The following PWWP2B variants were observed in gnomAD, a reference collection of about 807,000 sequenced individuals.
The protein encoded by PWWP2B is PWWP domain containing 2B.
Under a neutral mutation model 15.5 loss-of-function variants are expected in PWWP2B, and 9 were observed. The ratio of observed to expected loss-of-function variants is 0.58; its 90% CI spans 0.35 to 1.02. The LOEUF is 1.02. Ranked by LOEUF, PWWP2B falls within the 50% of genes least tolerant of loss-of-function variation. The probability of loss-of-function intolerance (pLI) is 0.02; values close to 1 mark genes in which losing one functional copy is unlikely to be tolerated. For synonymous variants in PWWP2B, 474 were observed against 403.6 expected (o/e 1.17, Z -2.09); for missense variants, 864 against 865.3 (o/e 1.00, Z 0.02).
At chr10:132,400,646 C>T (rs2069604047) in intron 1 of PWWP2B, among the ~76,000 whole-genome samples, 1 of 152,216 alleles carries the variant, frequency 6.6e-6, no homozygotes, top group African/African-American at 2.4e-5. Context: ...CGCCCTTTTC[C>T]CGCATGCTGT....
rs369373803 is a variant in PWWP2B, at chr10:132,417,056, C to T, written c.*17-5C>T. 6.2e-6 allele frequency: 10 copies of T among 1,613,506 alleles called. No homozygotes were observed. The highest frequency in any genetic ancestry group is 7.6e-6 in the Non-Finnish European group (9 of 1,179,608). ...AATCTCTGCCCCTTTTTGCTTTCCC[C>T]CAAGGTCACCGACGATGAGGGCGCA... On this transcript the variant is annotated splice_polypyrimidine_tract_variant and splice_region_variant and intron_variant, in intron 2 of 2. Coordinates refer to ENST00000305233, the MANE Select transcript of PWWP2B (RefSeq NM_138499.4).
chr10:132,404,976 G>A lies in PWWP2B; in HGVS notation c.476G>A (p.Arg159His), dbSNP rs376427258. 4.9e-4 allele frequency: 777 copies of A among 1,574,502 alleles called. 1 individual carries two copies. The highest frequency in any genetic ancestry group is 6.3e-4 in the Non-Finnish European group (739 of 1,168,004). Residue 159 changes from arginine (R) to histidine (H), a missense_variant, in exon 2 of 3, where the codon CGC becomes CAC. Coordinates refer to ENST00000305233, the MANE Select transcript of PWWP2B (RefSeq NM_138499.4). ...ACGCGGCGGCGTCTGTCCCGCAACC[G>A]CGACCCGGGGCGCCTCATCCTCAGC... ...KRTRRRLSRNRDPGRLILSTI... is the reference protein window; with the variant it reads ...KRTRRRLSRNHDPGRLILSTI...
Position 132,404,665 on chromosome 10 carries a change from C to A in PWWP2B, c.165C>A (p.Pro55=), listed in dbSNP as rs773256503. The part of the protein sequence containing the change: ...LFGLPPLAPL[P]QVDESPVNDS... ...GCCTACCCCCGTTGGCTCCGCTGCC[C>A]CAGGTCGATGAGTCCCCTGTCAACG... Residue 55 remains proline, a synonymous_variant, in exon 2 of 3, where the codon CCC becomes CCA. Coordinates refer to ENST00000305233, the MANE Select transcript of PWWP2B (RefSeq NM_138499.4). 36 of 1,612,754 alleles carry A rather than the reference C, an allele frequency of 2.2e-5. No homozygotes were observed. The East Asian group carries it at 4.7e-4, about 21-fold the overall frequency.
intron 2 of PWWP2B, among the ~76,000 whole-genome samples, chr10:132,412,361 C>G (rs1310659959): frequency 6.6e-6 from 1 of 152,242 alleles, no homozygotes; most frequent in Non-Finnish European, 1.5e-5. Context: ...GCCCCTGACC[C>G]CACCGGGCTT....
chr10:132,416,205 T>A (rs1255315719), intron 2 of PWWP2B, among the ~76,000 whole-genome samples: 1 of 152,052 alleles, frequency 6.6e-6, no homozygotes, highest in Non-Finnish European at 1.5e-5. Context: ...TGCCCTGCTG[T>A]GGTCAGGCAG....
At chr10:132,411,317 C>T (rs536974197) in intron 2 of PWWP2B, among the ~76,000 whole-genome samples, 6 of 152,328 alleles carry the variant, frequency 3.9e-5, no homozygotes, top group African/African-American at 9.6e-5. Flanking sequence ...GTAGATAGCG[C>T]GGGAGGGGCC....
intron 2 of PWWP2B, among the ~76,000 whole-genome samples, chr10:132,407,366 G>A (rs117120171): frequency 0.011 from 1,660 of 152,334 alleles, 9 homozygotes; most frequent in Non-Finnish European, 0.016. Context: ...GCTGTACGCA[G>A]AGGGCAGGGG....
chr10:132,417,018 C>G lies in PWWP2B; in HGVS notation c.*17-43C>G, dbSNP rs557266102. 195 of 1,611,970 alleles carry G rather than the reference C, an allele frequency of 1.2e-4. 4 individuals carry two copies. The South Asian group carries it at 2.0e-3, about 17-fold the overall frequency. Reference sequence around the variant, plus strand: ...CCTTGAGGGGCTGGTCCCCCATACTCGACCCTGAGTTAAATCTCTGCCCCT... The same window carrying G: ...CCTTGAGGGGCTGGTCCCCCATACTGGACCCTGAGTTAAATCTCTGCCCCT... On this transcript the variant is annotated intron_variant, in intron 2 of 2. Coordinates refer to ENST00000305233, the MANE Select transcript of PWWP2B (RefSeq NM_138499.4).
At chr10:132,416,693 G>A (rs1053277854) in intron 2 of PWWP2B, among the ~76,000 whole-genome samples, 1 of 152,102 alleles carries the variant, frequency 6.6e-6, no homozygotes, top group African/African-American at 2.4e-5. Context: ...GAGGGTCCCC[G>A]GAGTCATGTA....
chr10:132,411,658 A>C (rs536542957), intron 2 of PWWP2B, among the ~76,000 whole-genome samples: 1 of 152,354 alleles, frequency 6.6e-6, no homozygotes, highest in East Asian at 1.9e-4. Flanking sequence ...TCTCCTGGGA[A>C]ATAAAGATAA....
chr10:132,411,411 C>T (rs147201825), intron 2 of PWWP2B, among the ~76,000 whole-genome samples: 2 of 152,366 alleles, frequency 1.3e-5, no homozygotes, highest in East Asian at 3.9e-4. Context: ...GAGGAGCACC[C>T]GGTCTCATTC....
At chr10:132,411,685 C>G (rs372782651) in intron 2 of PWWP2B, among the ~76,000 whole-genome samples, 1 of 152,242 alleles carries the variant, frequency 6.6e-6, no homozygotes, top group African/African-American at 2.4e-5. Flanking sequence ...GGAAGCTGCC[C>G]GGCACTGGAG....
intron 1 of PWWP2B, among the ~76,000 whole-genome samples, chr10:132,400,769 A>G (rs986973514): frequency 1.3e-5 from 2 of 152,238 alleles, no homozygotes; most frequent in African/African-American, 2.4e-5. Flanking sequence ...CGCTGCGCTG[A>G]GGCTGCCTGT....
rs116108811 is a variant in PWWP2B at position 132,400,148 on chromosome 10, G to C, written c.125+2797G>C. On this transcript the variant is annotated intron_variant, in intron 1 of 2. Coordinates refer to ENST00000305233, the MANE Select transcript of PWWP2B (RefSeq NM_138499.4). ...TTGGGATGATTCACTCAACAACCAA[G>C]CGGGGGAGCACCTGGGCCAGGGCTG... 1.2e-3 allele frequency among the ~76,000 whole-genome samples: 188 copies of C among 152,334 alleles called. 2 individuals are homozygous for C. Among genetic ancestry groups the C allele is most frequent in the African/African-American group, 4.4e-3 (181 of 41,590 alleles).
chr10:132,397,481 G>A (rs2069552944), intron 1 of PWWP2B, 130 bp downstream of exon 1: 21 of 1,020,440 alleles, frequency 2.1e-5, no homozygotes, highest in Non-Finnish European at 2.5e-5. Flanking sequence ...GGTTTCTGCC[G>A]AGCCTGAGTT....
chr10:132,404,255 G>A lies in PWWP2B; in HGVS notation c.126-371G>A, dbSNP rs951102148. Among the ~76,000 whole-genome samples the A allele has an allele frequency of 1.2e-4, 19 of 152,100 alleles. 1 individual carries two copies. The highest frequency in any genetic ancestry group is 2.8e-4 in the Non-Finnish European group (19 of 67,994). On this transcript the variant is annotated intron_variant, in intron 1 of 2. Coordinates refer to ENST00000305233, the MANE Select transcript of PWWP2B (RefSeq NM_138499.4). ...GGTCCAGGGCCATGGGTCACAAGCA[G>A]CCAGACCCCTCCCCGGGCCAGGTCA...
At chr10:132,408,777 C>T (rs1278469230) in intron 2 of PWWP2B, among the ~76,000 whole-genome samples, 4 of 152,244 alleles carry the variant, frequency 2.6e-5, no homozygotes, top group Admixed American at 6.5e-5. Flanking sequence ...CCATGAGAGA[C>T]CCCTCACTCT....
chr10:132,416,641 C>G (rs1287526678), intron 2 of PWWP2B, among the ~76,000 whole-genome samples: 1 of 152,032 alleles, frequency 6.6e-6, no homozygotes, highest in Non-Finnish European at 1.5e-5. Flanking sequence ...GCTTGGGGCT[C>G]CTCCCCAGGC....
chr10:132,405,847 C>G lies in PWWP2B; in HGVS notation c.1347C>G (p.Gly449=), dbSNP rs777227497. The G allele has an allele frequency of 2.5e-6, 4 of 1,610,678 alleles. No individual in the cohort carries two copies. The highest frequency in any genetic ancestry group is 1.7e-5 in the Admixed American group (1 of 59,964). ...TPADTGDLSP[G]HGASAPSVSR... is the part of the protein sequence containing the mutation. ...CAGACACGGGTGACCTCTCGCCTGG[C>G]CACGGCGCGTCAGCGCCCTCGGTGT... Residue 449 remains glycine, a synonymous_variant, in exon 2 of 3, where the codon GGC becomes GGG. Transcript: ENST00000305233.
Sources: allele counts gnomAD v4.1 joint callset (sites outside exome capture counted in the v4.1 genomes callset), GRCh38; gene constraint gnomAD v4.1.1; transcripts MANE v1.5; gene names NCBI Gene and HGNC (gene_info 2026-07-23, HGNC 2026-07-21).